The following ANKRD13C variants were observed in gnomAD, a reference collection of about 807,000 sequenced individuals.
The protein encoded by ANKRD13C is ankyrin repeat domain 13C, also known as ankyrin repeat domain-containing protein 13C.
A neutral mutation model predicts 65.5 loss-of-function variants in ANKRD13C; 16 were observed. The observed-to-expected ratio is 0.24, with a 90% CI of 0.17 to 0.37. The LOEUF is 0.37. Ranked by LOEUF, ANKRD13C falls within the 10% of genes least tolerant of loss-of-function variation. ANKRD13C has a pLI of 1.00. For missense variants in ANKRD13C, 503 were observed against 655.9 expected (o/e 0.77, Z 2.55); for synonymous variants, 235 against 238.7 (o/e 0.98, Z 0.14).
intron 7 of ANKRD13C, among the ~76,000 whole-genome samples, chr1:70,298,506 C>A (rs1680191098): frequency 6.6e-6 from 1 of 152,026 alleles, no homozygotes; most frequent in Non-Finnish European, 1.5e-5. Flanking sequence ...TACATACATA[C>A]CTTAATACTA....
At chr1:70,302,493 A>G (rs12140194) in intron 6 of ANKRD13C, among the ~76,000 whole-genome samples, 15,819 of 113,902 alleles carry the variant, frequency 0.14, 2,468 homozygotes, top group South Asian at 0.34. Context: ...TTGGGAGGCC[A>G]AGGCGGGCGG....
intron 1 of ANKRD13C, among the ~76,000 whole-genome samples, chr1:70,345,285 C>T (rs879584120): frequency 4.6e-5 from 7 of 151,894 alleles, no homozygotes; most frequent in South Asian, 2.1e-4. Context: ...CAAAATTAGC[C>T]GGGCGTGGTG....
At chr1:70,264,949 T>C (rs757485972) in intron 12 of ANKRD13C, among the ~76,000 whole-genome samples, 2 of 151,926 alleles carry the variant, frequency 1.3e-5, no homozygotes, top group Non-Finnish European at 2.9e-5. Context: ...AAATTCCAAA[T>C]AGAAGAACAC....
intron 10 of ANKRD13C, among the ~76,000 whole-genome samples, chr1:70,276,008 T>A (rs1572033990): frequency 7.1e-6 from 1 of 141,048 alleles, no homozygotes; most frequent in African/African-American, 2.6e-5. Context: ...GATGGAAACA[T>A]CTTGGAGAAT....
At chr1:70,331,543 C>T (rs1427060592) in intron 2 of ANKRD13C, among the ~76,000 whole-genome samples, 1 of 151,712 alleles carries the variant, frequency 6.6e-6, no homozygotes, top group African/African-American at 2.4e-5. Flanking sequence ...AATATAAAAG[C>T]AACGTATAGA....
Position 70,354,531 on chromosome 1 carries a change from C to CT in ANKRD13C, c.-124dup. 6.9e-7 allele frequency: 1 copy of CT among 1,443,548 alleles called. No individual in the cohort carries two copies. The highest frequency in any genetic ancestry group is 9.1e-7 in the Non-Finnish European group (1 of 1,104,070). 89.4% of individuals were successfully genotyped at this position (1,443,548 alleles called of 1,614,324 possible). On this transcript the variant is annotated 5_prime_UTR_variant, in exon 1 of 13. The change abolishes the stop of an existing upstream ORF in the 5' untranslated region. Coordinates refer to ENST00000370944, the MANE Select transcript of ANKRD13C (RefSeq NM_030816.5). ...GCCTCCAGCGCAGCATGAACTCCCA[C>CT]TGAGCCCCCGAGCCTGGGACAAACG...
At chr1:70,309,582 C>T (rs1345365561) in intron 5 of ANKRD13C, among the ~76,000 whole-genome samples, 32 of 149,532 alleles carry the variant, frequency 2.1e-4, no homozygotes, top group Admixed American at 1.0e-3. Flanking sequence ...AAAAATTAGC[C>T]GGGCGTGGTG....
chr1:70,316,218 C>G (rs1681066919), intron 3 of ANKRD13C, among the ~76,000 whole-genome samples: 1 of 152,162 alleles, frequency 6.6e-6, no homozygotes, highest in Admixed American at 6.5e-5. Flanking sequence ...AAAAGAACTT[C>G]TGAATCTAAG....
intron 1 of ANKRD13C, among the ~76,000 whole-genome samples, chr1:70,350,538 A>G (rs1202668457): frequency 6.6e-6 from 1 of 152,232 alleles, no homozygotes; most frequent in Non-Finnish European, 1.5e-5. Flanking sequence ...ATAACAAACA[A>G]GGCTAAGAGA....
chr1:70,322,120 G>A (rs949519171), intron 3 of ANKRD13C, among the ~76,000 whole-genome samples: 1 of 152,084 alleles, frequency 6.6e-6, no homozygotes, highest in Non-Finnish European at 1.5e-5. Context: ...TTCGAGACCA[G>A]CCTGGCCAAC....
chr1:70,286,158 C>A (rs185854363), intron 9 of ANKRD13C, among the ~76,000 whole-genome samples: 7 of 152,150 alleles, frequency 4.6e-5, no homozygotes, highest in Admixed American at 3.9e-4. Context: ...GCATCCTATA[C>A]CTTACCTAAT....
intron 6 of ANKRD13C, among the ~76,000 whole-genome samples, chr1:70,302,363 A>G (rs921840157): frequency 1.3e-5 from 2 of 151,722 alleles, no homozygotes; most frequent in African/African-American, 4.8e-5. Flanking sequence ...CTTTTAGTCC[A>G]CTCCCAGAAG....
At chr1:70,319,853 C>T (rs1681232159) in intron 3 of ANKRD13C, among the ~76,000 whole-genome samples, 1 of 152,092 alleles carries the variant, frequency 6.6e-6, no homozygotes, top group Non-Finnish European at 1.5e-5. Flanking sequence ...AGAATATTCA[C>T]TGGTCTCTCT....
intron 2 of ANKRD13C, 26 bp downstream of exon 2, chr1:70,336,032 C>A: frequency 2.6e-6 from 2 of 755,404 alleles, no homozygotes; most frequent in South Asian, 2.5e-5. Context: ...TGAAGTTAAA[C>A]ATAAAAAAAG....
chr1:70,297,802 A>T (rs1680157265), intron 7 of ANKRD13C, among the ~76,000 whole-genome samples: 1 of 150,494 alleles, frequency 6.6e-6, no homozygotes. Context: ...AGTCCCAGCT[A>T]CTCGGGAGGC....
chr1:70,313,849 TA>T lies in ANKRD13C; in HGVS notation c.664-60del, dbSNP rs1242110005. On this transcript the variant is annotated intron_variant, in intron 4 of 12. Transcript: ENST00000370944. ...ACCTTAGTTAAAAGTTCTTATGCTT[TA>T]AAAATATGGCTATTCCTTAAAACAT... 8 of 1,256,094 alleles carry T rather than the reference TA, an allele frequency of 6.4e-6. No individual in the cohort carries two copies. In the East Asian group the frequency reaches 1.6e-4, roughly 26 times the overall value. 77.8% of individuals were successfully genotyped at this position (1,256,094 alleles called of 1,614,324 possible).
chr1:70,267,410 G>A (rs1678676615), intron 12 of ANKRD13C, among the ~76,000 whole-genome samples: 1 of 152,014 alleles, frequency 6.6e-6, no homozygotes, highest in Non-Finnish European at 1.5e-5. Context: ...CTGTCACCCA[G>A]GCTGGAATGA....
chr1:70,328,831 G>A (rs1196694592), intron 2 of ANKRD13C, among the ~76,000 whole-genome samples: 2 of 151,972 alleles, frequency 1.3e-5, no homozygotes, highest in Non-Finnish European at 2.9e-5. Context: ...GTAAGAAGAG[G>A]GGATGATAGC....
intron 3 of ANKRD13C, among the ~76,000 whole-genome samples, chr1:70,319,712 C>G (rs541595093): frequency 1.3e-5 from 2 of 151,040 alleles, no homozygotes; most frequent in Non-Finnish European, 2.9e-5. Context: ...CAGTAGAATG[C>G]CTTTACCCAC....
Sources: allele counts gnomAD v4.1 joint callset (sites outside exome capture counted in the v4.1 genomes callset), GRCh38; gene constraint gnomAD v4.1.1; transcripts MANE v1.5; gene names NCBI Gene and HGNC (gene_info 2026-07-23, HGNC 2026-07-21).